ATXN1: variants seen among roughly 807,000 people sequenced by gnomAD.
The protein encoded by ATXN1 is ataxin-1.
Under a neutral mutation model 56.4 loss-of-function variants are expected in ATXN1, and 8 were observed. The observed-to-expected ratio is 0.14, with a 90% CI of 0.08 to 0.26. The LOEUF (loss-of-function observed/expected upper bound fraction) is 0.26. Among genes scored for constraint, ATXN1 ranks in the 10% least tolerant of loss-of-function variants. The probability of loss-of-function intolerance (pLI) is 1.00; values close to 1 mark genes in which losing one functional copy is unlikely to be tolerated. For missense variants in ATXN1, 987 were observed against 1,106.5 expected, an observed-to-expected ratio of 0.89 and a Z score of 1.53; for synonymous variants, 514 against 494.6, an observed-to-expected ratio of 1.04 and a Z score of -0.52.
intron 3 of ATXN1, among the ~76,000 whole-genome samples, chr6:16,623,038 C>A (rs924364352): frequency 2.6e-5 from 4 of 152,146 alleles, no homozygotes; most frequent in Non-Finnish European, 5.9e-5. Flanking sequence ...AGTTTTAGAT[C>A]ATTCACTTTC....
chr6:16,695,131 G>C (rs1168554726), intron 2 of ATXN1, among the ~76,000 whole-genome samples: 1 of 152,194 alleles, frequency 6.6e-6, no homozygotes, highest in Non-Finnish European at 1.5e-5. Flanking sequence ...TGGAGACTAT[G>C]ATGGGCATGG....
At chr6:16,501,972 C>T (rs1288051955) in intron 5 of ATXN1, among the ~76,000 whole-genome samples, 2 of 152,112 alleles carry the variant, frequency 1.3e-5, no homozygotes, top group African/African-American at 2.4e-5. Flanking sequence ...TCCACAGCCT[C>T]GCCAGCATCT....
At chr6:16,503,077 T>G (rs1581805724) in intron 5 of ATXN1, among the ~76,000 whole-genome samples, 1 of 152,362 alleles carries the variant, frequency 6.6e-6, no homozygotes, top group African/African-American at 2.4e-5. Flanking sequence ...AATGTGTTTT[T>G]TAAAAGCCAG....
intron 5 of ATXN1, among the ~76,000 whole-genome samples, chr6:16,518,957 A>T (rs1012412045): frequency 6.6e-6 from 1 of 152,198 alleles, no homozygotes; most frequent in African/African-American, 2.4e-5. Context: ...TATCTGCATT[A>T]AAAAAACCAC....
chr6:16,643,584 G>T (rs1263710498), intron 3 of ATXN1, among the ~76,000 whole-genome samples: 1 of 135,570 alleles, frequency 7.4e-6, no homozygotes, highest in Non-Finnish European at 1.5e-5. Context: ...AGCTGAGATT[G>T]CACCACTGCA....
chr6:16,406,774 G>C (rs184449691), intron 6 of ATXN1, among the ~76,000 whole-genome samples: 99 of 152,122 alleles, frequency 6.5e-4, no homozygotes, highest in African/African-American at 2.3e-3. Context: ...TCCTTCCTTT[G>C]TTCTCTTCTG....
chr6:16,380,403 T>C (rs1176685808), intron 6 of ATXN1, among the ~76,000 whole-genome samples: 1 of 152,210 alleles, frequency 6.6e-6, no homozygotes, highest in African/African-American at 2.4e-5. Flanking sequence ...TCTAATATTC[T>C]TGTGAGTTCC....
rs546933987 is a variant in ATXN1 at position 16,340,149 on chromosome 6, G to A, written c.-160-11679C>T. Among the ~76,000 whole-genome samples, 17 of 152,260 alleles carry A rather than the reference G, an allele frequency of 1.1e-4. 1 individual carries two copies. The highest frequency in any genetic ancestry group is 6.2e-4 in the South Asian group (3 of 4,820). On this transcript the variant is annotated intron_variant, in intron 6 of 7. Transcript: ENST00000436367. ...CCCACCTGTGGGGAGGTGATCTCTC[G>A]GCCTCTGGAATGTCCTGCCTCACAG...
intron 5 of ATXN1, among the ~76,000 whole-genome samples, chr6:16,499,466 T>C (rs1184123356): frequency 2.0e-5 from 3 of 152,204 alleles, no homozygotes; most frequent in Non-Finnish European, 2.9e-5. Flanking sequence ...ACCAGAGCCA[T>C]GATGCTGAGC....
intron 6 of ATXN1, among the ~76,000 whole-genome samples, chr6:16,401,535 G>A (rs1202995977): frequency 6.6e-6 from 1 of 152,166 alleles, no homozygotes; most frequent in Non-Finnish European, 1.5e-5. Context: ...AGAGAGCTGT[G>A]GCTAGGACTT....
intron 6 of ATXN1, among the ~76,000 whole-genome samples, chr6:16,374,952 C>T (rs536896183): frequency 3.9e-4 from 59 of 152,330 alleles, no homozygotes; most frequent in Non-Finnish European, 6.3e-4. Flanking sequence ...ATTGGTCTGA[C>T]TGACTTTGCG....
chr6:16,307,793 CAAAT>C (rs978843329), intron 7 of ATXN1, among the ~76,000 whole-genome samples: 5 of 151,916 alleles, frequency 3.3e-5, no homozygotes, highest in African/African-American at 1.2e-4. Flanking sequence ...TATAAGCAAA[CAAAT>C]AAATTTAAAA....
chr6:16,454,427 T>C (rs549174672), intron 6 of ATXN1, among the ~76,000 whole-genome samples: 1 of 152,130 alleles, frequency 6.6e-6, no homozygotes, highest in Non-Finnish European at 1.5e-5. Context: ...TAACCCCCCC[T>C]GCTAGGGGCT....
At chr6:16,711,229 G>T (rs978593774) in intron 2 of ATXN1, among the ~76,000 whole-genome samples, 4 of 152,090 alleles carry the variant, frequency 2.6e-5, no homozygotes, top group African/African-American at 9.7e-5. Flanking sequence ...AATAAAAACT[G>T]AATCTTGACC....
intron 3 of ATXN1, among the ~76,000 whole-genome samples, chr6:16,608,058 C>T (rs76445886): frequency 0.02 from 3,000 of 152,310 alleles, 50 homozygotes; most frequent in African/African-American, 0.045. Flanking sequence ...GCTGAAATTG[C>T]TATGTGCTGA....
chr6:16,471,688 C>CGTGCGTGT (rs1554150562), intron 6 of ATXN1, among the ~76,000 whole-genome samples: 2 of 149,294 alleles, frequency 1.3e-5, no homozygotes, highest in Non-Finnish European at 3.0e-5. Flanking sequence ...TGCATGCATG[C>CGTGCGTGT]GTGTGTGTGT....
intron 4 of ATXN1, among the ~76,000 whole-genome samples, chr6:16,538,885 C>A (rs1481751350): frequency 1.3e-5 from 2 of 152,102 alleles, no homozygotes; most frequent in Non-Finnish European, 2.9e-5. Context: ...AGGGTTTCAC[C>A]ATGTTGTCCA....
chr6:16,615,865 TCTA>T (rs1207947615), intron 3 of ATXN1: 1 of 151,768 alleles, frequency 6.6e-6, no homozygotes, highest in Non-Finnish European at 1.5e-5. Flanking sequence ...AAACTCCGTC[TCTA>T]CTAAAAATAC....
chr6:16,593,642 A>T (rs935235788), intron 3 of ATXN1, among the ~76,000 whole-genome samples: 6 of 152,114 alleles, frequency 3.9e-5, no homozygotes, highest in African/African-American at 1.4e-4. Flanking sequence ...TCTAAAATAC[A>T]TAGTTTAATT....
Sources: allele counts gnomAD v4.1 joint callset (sites outside exome capture counted in the v4.1 genomes callset), GRCh38; gene constraint gnomAD v4.1.1; transcripts MANE v1.5; gene names NCBI Gene and HGNC (gene_info 2026-07-23, HGNC 2026-07-21).